The following CDC42BPG variants were observed in gnomAD, a reference collection of about 807,000 sequenced individuals.
CDC42BPG encodes CDC42 binding protein kinase gamma.
In CDC42BPG, 157 loss-of-function variants were observed where a neutral mutation model predicts 192.2. The ratio of observed to expected loss-of-function variants is 0.82; its 90% CI spans 0.72 to 0.93. CDC42BPG has a LOEUF of 0.93. CDC42BPG is among the 40% of genes least tolerant of loss of function. The probability of loss-of-function intolerance (pLI) is 0.00; values close to 1 mark genes in which losing one functional copy is unlikely to be tolerated. For synonymous variants in CDC42BPG, 981 were observed against 918.5 expected, an observed-to-expected ratio of 1.07 and a Z score of -1.23; for missense variants, 1,992 against 2,122.1, an observed-to-expected ratio of 0.94 and a Z score of 1.20.
intron 29 of CDC42BPG, 50 bp downstream of exon 29, chr11:64,830,144 G>C: frequency 6.2e-7 from 1 of 1,612,414 alleles, no homozygotes; most frequent in Non-Finnish European, 8.5e-7. Flanking sequence ...TCCTCTGCCC[G>C]CTGGGGCTGC....
chr11:64,841,985 G>A (rs1359799361), intron 1 of CDC42BPG, 81 bp from the exon 2 acceptor site: 23 of 1,175,558 alleles, frequency 2.0e-5, no homozygotes, highest in Middle Eastern at 1.9e-4. Flanking sequence ...GCCAGGAGCT[G>A]CCGCTCCTGT....
chr11:64,833,809 A>G lies in CDC42BPG; in HGVS notation c.2494T>C (p.Ser832Pro). ...CCTCCATGCCTTGTGGCCTCTCCTG[A>G]GATGCCAGGGTCCTTGGCAGAATCC... ...EKDSAKDPGI[S>P]GEATRHGGEP... Residue 832 changes from serine to proline, a missense_variant, in exon 22 of 37, where the codon TCA becomes CCA. Physicochemically the swap from Ser to Pro is moderately conservative, Grantham distance 74. Transcript: ENST00000342711. 1 of 1,614,196 alleles carries G rather than the reference A, an allele frequency of 6.2e-7. No individual in the cohort carries two copies. The highest frequency in any genetic ancestry group is 8.5e-7 in the Non-Finnish European group (1 of 1,180,022).
At position 64,844,629 on chromosome 11, in the gene CDC42BPG, G is replaced by C. The variant is rs990078949; in HGVS notation, c.-60C>G. On this transcript the variant is annotated 5_prime_UTR_variant, in exon 1 of 37. Transcript: ENST00000342711. Reference sequence around the variant, plus strand: ...CTGGCCGCCCGCATGCCCGCCTGTCGGGCCGTCCGTCCGCCCAACCGTCTG... The same window carrying C: ...CTGGCCGCCCGCATGCCCGCCTGTCCGGCCGTCCGTCCGCCCAACCGTCTG... The C allele has an allele frequency of 2.6e-5, 31 of 1,208,276 alleles. No homozygotes were observed. Among genetic ancestry groups the C allele is most frequent in the Admixed American group, 4.3e-5 (1 of 23,010 alleles). The allele number at this position is 1,208,276 out of a possible 1,614,324, so 74.8% of individuals were successfully genotyped here.
intron 13 of CDC42BPG, 58 bp downstream of exon 13, chr11:64,836,059 C>T: frequency 6.6e-7 from 1 of 1,520,676 alleles, no homozygotes; most frequent in Non-Finnish European, 8.8e-7. Context: ...CCCATGCTCC[C>T]TCCAGGCACA....
chr11:64,831,366 G>A, intron 28 of CDC42BPG, 139 bp downstream of exon 28: 2 of 744,250 alleles, frequency 2.7e-6, no homozygotes, highest in Non-Finnish European at 4.3e-6. Flanking sequence ...CAGGAGGCTG[G>A]AGCACATACG....
At chr11:64,826,423 G>A (rs373481886) in intron 36 of CDC42BPG, 47 bp downstream of exon 36, 13 of 1,357,072 alleles carry the variant, frequency 9.6e-6, no homozygotes, top group Non-Finnish European at 1.3e-5. Flanking sequence ...AAACGGAACT[G>A]CCTGACGTTT....
intron 12 of CDC42BPG, 22 bp from the exon 13 acceptor site, chr11:64,836,318 C>T (rs1369346853): frequency 2.5e-6 from 4 of 1,607,046 alleles, no homozygotes; most frequent in South Asian, 1.1e-5. Context: ...GGGGAGGGAG[C>T]GGGGAAGGAC....
Position 64,834,882 on chromosome 11 carries a change from G to A in CDC42BPG, c.2142C>T (p.Asn714=), listed in dbSNP as rs754794919. The part of the protein sequence containing the change: ...KMAEELESLR[N]VGTQTLPARP... ...GGGCAGGGAGCGTCTGGGTGCCTAC[G>A]TTCCTCAAGGACTCCAGCTCCTCTG... Residue 714 remains asparagine, a synonymous_variant, in exon 18 of 37, where the codon AAC becomes AAT. Coordinates refer to ENST00000342711, the MANE Select transcript of CDC42BPG (RefSeq NM_017525.3). 2.4e-5 allele frequency: 39 copies of A among 1,613,978 alleles called. 1 individual carries two copies. The East Asian group carries it at 2.9e-4, about 12-fold the overall frequency.
rs751020604 is a variant in CDC42BPG, at chr11:64,827,374, T to C, written c.4175A>G (p.Asp1392Gly). 6.2e-7 allele frequency: 1 copy of C among 1,613,770 alleles called. No individual in the cohort carries two copies. Among genetic ancestry groups the C allele is most frequent in the Non-Finnish European group, 8.5e-7 (1 of 1,179,736 alleles). ...CTGGCGCCGGCTGTTGTCGGTGAGG[T>C]CCGGGATGTCGAACTCGTCCTTCTC... ...LAEKDEFDIP[D>G]LTDNSRRQLF... Residue 1392 changes from aspartate to glycine, a missense_variant, in exon 33 of 37, where the codon GAC becomes GGC. Asp to Gly is a moderately conservative substitution (Grantham distance 94). Coordinates refer to ENST00000342711, the MANE Select transcript of CDC42BPG (RefSeq NM_017525.3).
intron 1 of CDC42BPG, among the ~76,000 whole-genome samples, chr11:64,842,793 G>C (rs1013633847): frequency 1.3e-5 from 2 of 152,194 alleles, no homozygotes; most frequent in African/African-American, 4.8e-5. Context: ...AGGGAGGCAG[G>C]AGTGATCAGT....
chr11:64,827,144 A>T lies in CDC42BPG; in HGVS notation c.4295T>A (p.Val1432Glu), dbSNP rs199846528. The T allele has an allele frequency of 1.2e-4, 197 of 1,614,150 alleles. No individual in the cohort carries two copies. The Middle Eastern group carries it at 1.3e-3, about 11-fold the overall frequency. The part of the protein sequence containing the change: ...QRREMLKDPF[V>E]RSKLISPPTN... Reference sequence around the variant, plus strand: ...AGGCGGCGAGATGAGCTTGGAGCGCACAAAAGGGTCCTTCAGCATCTCCCT... The same window carrying T: ...AGGCGGCGAGATGAGCTTGGAGCGCTCAAAAGGGTCCTTCAGCATCTCCCT... Residue 1432 changes from valine to glutamate, a missense_variant, in exon 34 of 37, where the codon GTG becomes GAG. Val to Glu is a moderately radical substitution (Grantham distance 121). Coordinates refer to ENST00000342711, the MANE Select transcript of CDC42BPG (RefSeq NM_017525.3).
At chr11:64,828,975 G>A (rs908682526) in intron 30 of CDC42BPG, among the ~76,000 whole-genome samples, 2 of 151,562 alleles carry the variant, frequency 1.3e-5, no homozygotes, top group African/African-American at 4.9e-5. Flanking sequence ...ACCTGAACCC[G>A]GGAAGCAAAG....
Position 64,833,281 on chromosome 11 carries a change from C to T in CDC42BPG, c.2681G>A (p.Arg894His), listed in dbSNP as rs1942790913. ...CAGGCCCAGCATCAGCGAGGTGCAGCGGAGACACTTGGTCGGGGATGGGAA... is the reference window on the plus strand; with the variant it reads ...CAGGCCCAGCATCAGCGAGGTGCAGTGGAGACACTTGGTCGGGGATGGGAA... ...RSFPSPTKCL[R>H]CTSLMLGLGR... Residue 894 changes from arginine (R) to histidine (H), a missense_variant, in exon 24 of 37, where the codon CGC becomes CAC. This residue lies in a region of CDC42BPG where 1,656 missense variants were observed against 1,844.3 expected (regional missense o/e 0.90). Coordinates refer to ENST00000342711, the MANE Select transcript of CDC42BPG (RefSeq NM_017525.3). 5.8e-6 allele frequency: 9 copies of T among 1,547,014 alleles called. No individual in the cohort carries two copies. The highest frequency in any genetic ancestry group is 2.4e-5 in the East Asian group (1 of 40,848).
chr11:64,840,527 C>A (rs759422965), intron 4 of CDC42BPG, 26 bp downstream of exon 4: 7 of 1,608,782 alleles, frequency 4.4e-6, no homozygotes, highest in Non-Finnish European at 6.0e-6. Context: ...AGGATGTTCC[C>A]CTCCAGCCCC....
Position 64,836,127 on chromosome 11 carries a change from G to T in CDC42BPG, c.1658C>A (p.Ala553Asp). ...LSSQLEEARA[A>D]QRELEAQVSS... The stretch of plus-strand genomic sequence containing the variant: ...ACCCTGGTCACTCACCTCCCTCTGG[G>T]CAGCCCGGGCTTCCTCCAGCTGGGA... The change falls in exon 13 of 37, where the codon GCC becomes GAC. Residue 553 changes from alanine to aspartate, a missense_variant. Physicochemically the swap from Ala to Asp is moderately radical, Grantham distance 126 (BLOSUM62 -2). This residue lies in a region of CDC42BPG where 1,656 missense variants were observed against 1,844.3 expected (regional missense o/e 0.90). Coordinates refer to ENST00000342711, the MANE Select transcript of CDC42BPG (RefSeq NM_017525.3). 1.3e-6 allele frequency: 2 copies of T among 1,598,722 alleles called. No homozygotes were observed. Among genetic ancestry groups the T allele is most frequent in the Non-Finnish European group, 1.7e-6 (2 of 1,174,502 alleles).
chr11:64,830,191 T>A lies in CDC42BPG; in HGVS notation c.3367+3A>T. 6.2e-7 allele frequency: 1 copy of A among 1,613,552 alleles called. No individual in the cohort carries two copies. Among genetic ancestry groups the A allele is most frequent in the Non-Finnish European group, 8.5e-7 (1 of 1,179,808 alleles). ...CCCACCCTAGCCCAGCTTTGATAGG[T>A]ACCGTTGCTGCGCAGATGGATGACA... On this transcript the variant is annotated splice_donor_region_variant and intron_variant, in intron 29 of 36. Coordinates refer to ENST00000342711, the MANE Select transcript of CDC42BPG (RefSeq NM_017525.3).
intron 17 of CDC42BPG, 30 bp downstream of exon 17, chr11:64,835,017 T>TACC: frequency 5.1e-6 from 8 of 1,571,802 alleles, no homozygotes; most frequent in South Asian, 1.1e-5. Flanking sequence ...TCGCCTGCGT[T>TACC]CCCCACCCCG....
At chr11:64,834,240 G>C (rs375026091) in intron 20 of CDC42BPG, 26 bp downstream of exon 20, 2 of 1,545,124 alleles carry the variant, frequency 1.3e-6, no homozygotes, top group Non-Finnish European at 8.7e-7. Flanking sequence ...GCCTGGCTCC[G>C]GGGCAAGCAG....
chr11:64,836,710 G>A lies in CDC42BPG; in HGVS notation c.1384+29C>T, dbSNP rs750101197. 8 of 704,784 alleles carry A rather than the reference G, an allele frequency of 1.1e-5. No individual in the cohort carries two copies. The African/African-American group carries it at 1.3e-4, about 12-fold the overall frequency. 43.7% of individuals were successfully genotyped at this position (704,784 alleles called of 1,614,324 possible). On this transcript the variant is annotated intron_variant, in intron 11 of 36. Transcript: ENST00000342711. ...AGCCCAGGTGGGACTCAGCCCTGGG[G>A]GGGGGGGGGGGGTGGGCGGAAGGGA...
Sources: gnomAD v4.1 joint callset for allele counts (sites outside exome capture counted in the v4.1 genomes callset) on GRCh38, gnomAD v4.1.1 for gene constraint, gnomAD v4.1.1 regional missense constraint, MANE v1.5 for transcripts, NCBI Gene and HGNC (gene_info 2026-07-23, HGNC 2026-07-21) for gene names.